The following TBPL2 variants were observed in gnomAD, a reference collection of about 807,000 sequenced individuals.
TBPL2 encodes TATA-box binding protein like 2, also known as TATA box-binding protein-like 2.
Under a neutral mutation model 38.2 loss-of-function variants are expected in TBPL2, and 40 were observed. The observed-to-expected ratio is 1.05, with a 90% CI of 0.81 to 1.36. The LOEUF is 1.36. TBPL2 is among the 40% of genes most tolerant of loss of function. The pLI, the probability that TBPL2 is intolerant of heterozygous loss-of-function variation, is 0.00. For missense variants in TBPL2, 461 were observed against 456.7 expected, an observed-to-expected ratio of 1.01 and a Z score of -0.09; for synonymous variants, 169 against 171.7, an observed-to-expected ratio of 0.98 and a Z score of 0.12.
chr14:55,440,291 C>T, intron 1 of TBPL2, 105 bp downstream of exon 1: 1 of 1,395,240 alleles, frequency 7.2e-7, no homozygotes, highest in South Asian at 1.3e-5. Flanking sequence ...ACCAAGCCCG[C>T]CTCTTATGGT....
At chr14:55,433,309 C>CTTTT (rs71131269) in intron 4 of TBPL2, among the ~76,000 whole-genome samples, 106 of 119,884 alleles carry the variant, frequency 8.8e-4, no homozygotes, top group African/African-American at 2.7e-3. Flanking sequence ...TTAGATTTCT[C>CTTTT]TTTTTTTTTT....
chr14:55,427,539 G>C (rs745783473), intron 5 of TBPL2, among the ~76,000 whole-genome samples: 14 of 152,128 alleles, frequency 9.2e-5, no homozygotes, highest in Admixed American at 2.6e-4. Flanking sequence ...GCGTTGGAAT[G>C]AAAGAACTTC....
At chr14:55,423,456 A>G (rs185051471) in intron 6 of TBPL2, among the ~76,000 whole-genome samples, 2 of 152,364 alleles carry the variant, frequency 1.3e-5, no homozygotes, top group Admixed American at 1.3e-4. Context: ...TCTGCCCTTC[A>G]TAAGTAGCAA....
Position 55,428,979 on chromosome 14 carries a change from G to T in TBPL2, c.789-5C>A, listed in dbSNP as rs1413974948. ...GCAAGTCGAGACTGCTCTTCACTGG[G>T]GAGGGGCAAATATGTTTAAAGATGT... On this transcript the variant is annotated splice_region_variant and splice_polypyrimidine_tract_variant and intron_variant, in intron 4 of 6. Coordinates refer to ENST00000247219, the Ensembl canonical transcript of TBPL2. 6.2e-7 allele frequency: 1 copy of T among 1,613,926 alleles called. No individual in the cohort carries two copies. Among genetic ancestry groups the T allele is most frequent in the Non-Finnish European group, 8.5e-7 (1 of 1,179,960 alleles).
intron 3 of TBPL2, among the ~76,000 whole-genome samples, chr14:55,435,554 G>T (rs1386118768): frequency 6.6e-6 from 1 of 152,182 alleles, no homozygotes. Flanking sequence ...GATTACAGGA[G>T]TGAGCCACCG....
chr14:55,440,362 G>A, intron 1 of TBPL2, 34 bp downstream of exon 1: 1 of 1,612,420 alleles, frequency 6.2e-7, no homozygotes, highest in Non-Finnish European at 8.5e-7. Flanking sequence ...GCGGGACTTG[G>A]GTCCTGACTC....
chr14:55,425,836 T>C (rs911083994), intron 5 of TBPL2, among the ~76,000 whole-genome samples: 9 of 152,250 alleles, frequency 5.9e-5, no homozygotes, highest in African/African-American at 2.2e-4. Flanking sequence ...CCATCTTTTC[T>C]TTTAGACAGT....
At chr14:55,423,306 A>G (rs1885773593) in intron 6 of TBPL2, among the ~76,000 whole-genome samples, 1 of 152,266 alleles carries the variant, frequency 6.6e-6, no homozygotes, top group Non-Finnish European at 1.5e-5. Context: ...ACCATGTGAT[A>G]CAGAACTATG....
At chr14:55,434,589 G>A (rs1159272142) in intron 3 of TBPL2, among the ~76,000 whole-genome samples, 1 of 152,140 alleles carries the variant, frequency 6.6e-6, no homozygotes, top group African/African-American at 2.4e-5. Flanking sequence ...GTGTGCTGAG[G>A]ATGGTGGACA....
chr14:55,433,309 CTT>C (rs71131269), intron 4 of TBPL2, among the ~76,000 whole-genome samples: 39,960 of 119,368 alleles, frequency 0.33, 7,485 homozygotes, highest in East Asian at 0.56. Flanking sequence ...TTAGATTTCT[CTT>C]TTTTTTTTTT....
chr14:55,427,660 C>A (rs1359273344), intron 5 of TBPL2, among the ~76,000 whole-genome samples: 1 of 152,086 alleles, frequency 6.6e-6, no homozygotes, highest in Non-Finnish European at 1.5e-5. Flanking sequence ...CCATGAGTCA[C>A]CCTCCATCCC....
intron 1 of TBPL2, among the ~76,000 whole-genome samples, chr14:55,439,623 C>CT: frequency 7.3e-6 from 1 of 136,856 alleles, no homozygotes; most frequent in African/African-American, 2.7e-5. Context: ...AACCCCCCCC[C>CT]GTCTCTACTA....
chr14:55,415,807 A>G (rs1378253071), intron 6 of TBPL2, among the ~76,000 whole-genome samples: 1 of 152,198 alleles, frequency 6.6e-6, no homozygotes, highest in Non-Finnish European at 1.5e-5. Context: ...CGGGGGTTGC[A>G]ATGAGCAGAG....
intron 4 of TBPL2, among the ~76,000 whole-genome samples, chr14:55,432,308 G>A (rs1221478125): frequency 1.3e-5 from 2 of 149,404 alleles, no homozygotes; most frequent in African/African-American, 2.5e-5. Context: ...AGCTACTTAA[G>A]AGGCCGAGCT....
At chr14:55,420,725 G>T (rs1268394789) in intron 6 of TBPL2, among the ~76,000 whole-genome samples, 1 of 134,824 alleles carries the variant, frequency 7.4e-6, no homozygotes, top group East Asian at 2.0e-4. Flanking sequence ...CTTTACTTCT[G>T]TGATTTGAAA....
At chr14:55,424,245 G>T in exon 6 of TBPL2, 1 of 1,610,036 alleles carries the variant, frequency 6.2e-7, no homozygotes, top group Non-Finnish European at 8.5e-7. Flanking sequence ...AAACAGTTCA[G>T]GCTCGTAACT....
At chr14:55,429,766 C>CAAAAAAAAAA (rs71131266) in intron 4 of TBPL2, among the ~76,000 whole-genome samples, 61 of 52,338 alleles carry the variant, frequency 1.2e-3, no homozygotes, top group Non-Finnish European at 1.5e-3. Flanking sequence ...AACTCCGTCT[C>CAAAAAAAAAA]AAAAAAAAAA....
intron 6 of TBPL2, among the ~76,000 whole-genome samples, chr14:55,422,745 C>T (rs1885763951): frequency 6.6e-6 from 1 of 152,034 alleles, no homozygotes; most frequent in African/African-American, 2.4e-5. Context: ...CTCAGCTACT[C>T]AGGAGGCCGA....
intron 4 of TBPL2, among the ~76,000 whole-genome samples, chr14:55,430,541 G>T (rs557339778): frequency 1.1e-3 from 161 of 152,082 alleles, no homozygotes; most frequent in Non-Finnish European, 9.3e-4. Flanking sequence ...TAAGTAGCCT[G>T]CAGGGGCATG....
Sources: allele counts gnomAD v4.1 joint callset (sites outside exome capture counted in the v4.1 genomes callset), GRCh38; gene constraint gnomAD v4.1.1; transcripts MANE v1.5; gene names NCBI Gene and HGNC (gene_info 2026-07-23, HGNC 2026-07-21).